SHPRH: variants seen among roughly 807,000 people sequenced by gnomAD.
SHPRH encodes SNF2 histone linker PHD RING helicase.
SHPRH carries 106 observed loss-of-function variants against 202.5 expected under a neutral mutation model. That is an observed-to-expected ratio of 0.52 (90% CI 0.45 to 0.62). The LOEUF is 0.62. Ranked by LOEUF, SHPRH falls within the 20% of genes least tolerant of loss-of-function variation. The pLI, the probability that SHPRH is intolerant of heterozygous loss-of-function variation, is 0.00. For synonymous variants in SHPRH, 729 were observed against 686.0 expected (o/e 1.06, Z -0.98); for missense variants, 1,710 against 2,020.0 (o/e 0.85, Z 2.94).
intron 2 of SHPRH, among the ~76,000 whole-genome samples, chr6:145,879,617 A>C (rs1780460238): frequency 6.6e-6 from 1 of 152,158 alleles, no homozygotes; most frequent in South Asian, 2.1e-4. Context: ...TTCAGTAGAA[A>C]AGGTGACTAG....
At chr6:145,879,068 A>G (rs189304669) in intron 2 of SHPRH, among the ~76,000 whole-genome samples, 16 of 152,196 alleles carry the variant, frequency 1.1e-4, no homozygotes, top group Non-Finnish European at 1.8e-4. Context: ...TACATGAGAA[A>G]TATTAGTCAT....
chr6:145,924,610 C>T (rs904264078), intron 17 of SHPRH, 129 bp downstream of exon 17: 4 of 631,904 alleles, frequency 6.3e-6, no homozygotes, highest in African/African-American at 5.5e-5. Context: ...TATTGTGGGT[C>T]AGGCAATGTG....
intron 11 of SHPRH, among the ~76,000 whole-genome samples, chr6:145,937,656 AAAT>A (rs1446008414): frequency 2.0e-5 from 3 of 152,184 alleles, no homozygotes; most frequent in Admixed American, 6.5e-5. Context: ...TTAACAAGGC[AAAT>A]AACATCCTCC....
chr6:145,913,514 T>A lies in SHPRH; in HGVS notation c.4290A>T (p.Glu1430Asp). 1.2e-6 allele frequency: 2 copies of A among 1,610,120 alleles called. No individual in the cohort carries two copies. The highest frequency in any genetic ancestry group is 1.7e-6 in the Non-Finnish European group (2 of 1,178,242). ...QDKTSGGVNP[E>D]PCPICARQLG... ...GCTGTCGAGCACAGATTGGGCAAGG[T>A]TCTGGATTAACACCTCCCGATGTTT... Residue 1430 changes from glutamate (E) to aspartate (D), a missense_variant, in exon 24 of 30, where the codon GAA (glutamate) becomes GAT (aspartate). Coordinates refer to ENST00000275233, the MANE Select transcript of SHPRH (RefSeq NM_001042683.3).
At chr6:145,900,618 T>C (rs1195606873) in intron 25 of SHPRH, among the ~76,000 whole-genome samples, 2 of 152,090 alleles carry the variant, frequency 1.3e-5, no homozygotes, top group African/African-American at 2.4e-5. Flanking sequence ...TTGTATACCA[T>C]TGTCCCTTGG....
intron 14 of SHPRH, among the ~76,000 whole-genome samples, chr6:145,932,512 TGTGTGTGTGGGA>T (rs1346902152): frequency 6.6e-6 from 1 of 152,180 alleles, no homozygotes; most frequent in African/African-American, 2.4e-5. Context: ...ACGTTCTGTG[TGTGTGTGTGGGA>T]GGGTGTGTGT....
At chr6:145,864,938 C>A (rs1446641755) in intron 2 of SHPRH, among the ~76,000 whole-genome samples, 2 of 98,916 alleles carry the variant, frequency 2.0e-5, no homozygotes, top group African/African-American at 6.5e-5. Context: ...TATAAACACA[C>A]ACACTCACAC....
At chr6:145,867,629 TATAGAGAG>T (rs1292667613) in intron 2 of SHPRH, among the ~76,000 whole-genome samples, 111 of 43,872 alleles carry the variant, frequency 2.5e-3, no homozygotes, top group African/African-American at 6.2e-3. Context: ...TATATATATA[TATAGAGAG>T]AGAGAGAGAG....
intron 20 of SHPRH, 70 bp from the exon 21 acceptor site, chr6:145,921,462 T>C (rs1784422229): frequency 7.1e-7 from 1 of 1,417,278 alleles, no homozygotes; most frequent in Non-Finnish European, 9.8e-7. Context: ...CAATGTGAGT[T>C]CTAAAAGAAC....
In SHPRH at chr6:145,893,381, C is replaced by T; in HGVS notation, c.4708G>A (p.Ala1570Thr). 1 of 1,584,224 alleles carries T rather than the reference C, an allele frequency of 6.3e-7. No individual in the cohort carries two copies. Among genetic ancestry groups the T allele is most frequent in the Non-Finnish European group, 8.6e-7 (1 of 1,169,500 alleles). ...TTGATTTGGGGATCACGTTTAAATGCTGAAAGGTTCTCCTAAAAAAGAAAG... is the reference window on the plus strand; with the variant it reads ...TTGATTTGGGGATCACGTTTAAATGTTGAAAGGTTCTCCTAAAAAAGAAAG... ...RVKTFQENLS[A>T]FKRDPQINIL... The change falls in exon 28 of 30, where the codon GCA becomes ACA. Residue 1570 changes from alanine to threonine, a missense_variant. Transcript: ENST00000275233.
chr6:145,898,518 C>T (rs1488455106), intron 25 of SHPRH, among the ~76,000 whole-genome samples: 4 of 152,058 alleles, frequency 2.6e-5, no homozygotes, highest in Non-Finnish European at 5.9e-5. Context: ...TGATACCCAG[C>T]GTGGAGGTTT....
At chr6:145,954,648 T>C (rs755889237) in intron 2 of SHPRH, 42 bp downstream of exon 2, 3 of 1,527,132 alleles carry the variant, frequency 2.0e-6, no homozygotes, top group Non-Finnish European at 2.6e-6. Flanking sequence ...GGACTGCCAA[T>C]GTAGAAGAGC....
Position 145,954,800 on chromosome 6 carries a change from T to C in SHPRH, c.523A>G (p.Ile175Val). ...KEPMSICDKG[I>V]LVESSFSGEM... is the part of the protein sequence containing the mutation. Reference sequence around the variant, plus strand: ...CCACTGAAGGATGACTCCACCAGAATACCCTTGTCACAAATACTCATCGGT... The same window carrying C: ...CCACTGAAGGATGACTCCACCAGAACACCCTTGTCACAAATACTCATCGGT... Residue 175 changes from isoleucine to valine, a missense_variant, in exon 2 of 30, where the codon ATT becomes GTT. Physicochemically the swap from Ile to Val is conservative, Grantham distance 29. This residue lies in a region of SHPRH where 459 missense variants were observed against 426.5 expected (regional missense o/e 1.08). Transcript: ENST00000275233. 3 of 1,613,910 alleles carry C rather than the reference T, an allele frequency of 1.9e-6. No homozygotes were observed. The highest frequency in any genetic ancestry group is 2.5e-6 in the Non-Finnish European group (3 of 1,179,872).
At chr6:145,915,896 AT>A (rs1377102282) in intron 23 of SHPRH, among the ~76,000 whole-genome samples, 1 of 151,906 alleles carries the variant, frequency 6.6e-6, no homozygotes, top group Non-Finnish European at 1.5e-5. Flanking sequence ...GTTTTAGAAA[AT>A]TCTCAGCTAT....
At chr6:145,948,699 A>G (rs1274410527) in intron 4 of SHPRH, among the ~76,000 whole-genome samples, 1 of 152,104 alleles carries the variant, frequency 6.6e-6, no homozygotes, top group Admixed American at 6.6e-5. Flanking sequence ...TTTTTAATAA[A>G]TCTTGCAATA....
intron 2 of SHPRH, among the ~76,000 whole-genome samples, chr6:145,874,019 G>T (rs1196134817): frequency 6.6e-6 from 1 of 151,812 alleles, no homozygotes; most frequent in Non-Finnish European, 1.5e-5. Flanking sequence ...GCCAACATGG[G>T]GAAACCCCGT....
At chr6:145,937,374 G>A (rs1244315253) in intron 11 of SHPRH, among the ~76,000 whole-genome samples, 1 of 152,086 alleles carries the variant, frequency 6.6e-6, no homozygotes, top group East Asian at 1.9e-4. Flanking sequence ...CTGTCACTGA[G>A]GCTTGTTAAT....
At chr6:145,936,943 C>T (rs1019978165) in intron 11 of SHPRH, among the ~76,000 whole-genome samples, 7 of 149,982 alleles carry the variant, frequency 4.7e-5, no homozygotes, top group African/African-American at 1.7e-4. Context: ...TTGCCGAAAT[C>T]TCAAATTCAT....
chr6:145,888,933 T>C (rs1781348594), intron 28 of SHPRH, among the ~76,000 whole-genome samples: 1 of 152,132 alleles, frequency 6.6e-6, no homozygotes, highest in African/African-American at 2.4e-5. Flanking sequence ...GTCCGAGATT[T>C]CTGATCTGGG....
Sources: allele counts gnomAD v4.1 joint callset (sites outside exome capture counted in the v4.1 genomes callset), GRCh38; gene constraint gnomAD v4.1.1; regional missense constraint gnomAD v4.1.1; transcripts MANE v1.5; gene names NCBI Gene and HGNC (gene_info 2026-07-23, HGNC 2026-07-21).